The following HDAC9 variants were observed in gnomAD, a reference collection of about 807,000 sequenced individuals.
HDAC9 encodes MEF-2 interacting transcription repressor (MITR) protein.
Under a neutral mutation model 139.4 loss-of-function variants are expected in HDAC9, and 41 were observed. The observed-to-expected ratio is 0.29, with a 90% confidence interval of 0.23 to 0.38. The LOEUF (loss-of-function observed/expected upper bound fraction) is 0.38. Among genes scored for constraint, HDAC9 ranks in the 10% least tolerant of loss-of-function variants. HDAC9 has a pLI of 1.00. For missense variants in HDAC9, 1,147 were observed against 1,297.0 expected, an observed-to-expected ratio of 0.88 and a Z score of 1.78; for synonymous variants, 517 against 476.2, an observed-to-expected ratio of 1.09 and a Z score of -1.12.
chr7:18,846,674 G>T (rs983782383), intron 21 of HDAC9, among the ~76,000 whole-genome samples: 4 of 152,148 alleles, frequency 2.6e-5, no homozygotes, highest in African/African-American at 7.2e-5. Context: ...ATTACTGCAT[G>T]TATTGGACCT....
intron 1 of HDAC9, among the ~76,000 whole-genome samples, chr7:18,096,844 A>G (rs979876880): frequency 6.6e-6 from 1 of 151,874 alleles, no homozygotes; most frequent in Admixed American, 6.6e-5. Flanking sequence ...GAAGTGCCTA[A>G]TAAATGTTCT....
intron 1 of HDAC9, among the ~76,000 whole-genome samples, chr7:18,157,884 C>T (rs1024572983): frequency 6.9e-6 from 1 of 145,428 alleles, no homozygotes; most frequent in East Asian, 2.1e-4. Context: ...TGGTGTTCAA[C>T]GTGTTGGCAC....
intron 2 of HDAC9, among the ~76,000 whole-genome samples, chr7:18,230,974 T>C (rs1437721065): frequency 6.6e-6 from 1 of 152,210 alleles, no homozygotes; most frequent in Non-Finnish European, 1.5e-5. Flanking sequence ...ATCTTTGTCT[T>C]AAGCAAAGCT....
At chr7:18,165,272 A>G (rs1787924808) in intron 2 of HDAC9, among the ~76,000 whole-genome samples, 1 of 152,190 alleles carries the variant, frequency 6.6e-6, no homozygotes, top group Non-Finnish European at 1.5e-5. Flanking sequence ...ATCGTGTGGT[A>G]GCCTGGGGGA....
intron 1 of HDAC9, among the ~76,000 whole-genome samples, chr7:18,437,029 A>T (rs1338857659): frequency 2.0e-5 from 3 of 152,160 alleles, no homozygotes; most frequent in African/African-American, 7.2e-5. Context: ...TTTATATACT[A>T]ATTAAAACTC....
At chr7:18,629,543 G>T in intron 7 of HDAC9, 62 bp downstream of exon 7, 1 of 1,450,126 alleles carries the variant, frequency 6.9e-7, no homozygotes. Flanking sequence ...AAATAGTTTA[G>T]AATAAATATA....
At chr7:18,396,079 A>ATTCCCTTCCCTTCCT (rs1787006609) in intron 1 of HDAC9, among the ~76,000 whole-genome samples, 1 of 46,444 alleles carries the variant, frequency 2.2e-5, no homozygotes, top group Non-Finnish European at 5.5e-5. Context: ...TCAAAGTGTC[A>ATTCCCTTCCCTTCCT]TTCCCTTCCC....
rs1224407305 is a variant in HDAC9, at chr7:18,980,761, T to TCTTCTTCTTC, written c.3170+4809_3170+4818dup. On this transcript the variant is annotated intron_variant, in intron 25 of 25. Transcript: ENST00000686413. The stretch of plus-strand genomic sequence containing the variant: ...CTTCTTCTTCCTTCTTCTTCTTCCT[T>TCTTCTTCTTC]CTTCTTCTTCTTCTTCCTCTTCTTC... Among the ~76,000 whole-genome samples, 517 of 100,184 alleles carry TCTTCTTCTTC rather than the reference T, an allele frequency of 5.2e-3. 5 individuals are homozygous for TCTTCTTCTTC. The highest frequency in any genetic ancestry group is 0.017 in the African/African-American group (327 of 18,740). 65.7% of individuals were successfully genotyped at this position (100,184 alleles called of 152,430 possible).
intron 2 of HDAC9, among the ~76,000 whole-genome samples, chr7:18,502,950 G>T (rs1397737436): frequency 6.6e-6 from 1 of 152,068 alleles, no homozygotes; most frequent in East Asian, 1.9e-4. Flanking sequence ...ATGAAAGGAG[G>T]ATTATCTTAA....
chr7:18,707,344 A>G lies in HDAC9; in HGVS notation c.1732-20236A>G, dbSNP rs367900039. 1.9e-4 allele frequency among the ~76,000 whole-genome samples: 29 copies of G among 152,354 alleles called. No homozygotes were observed. The East Asian group carries it at 2.7e-3, about 14-fold the overall frequency. ...AAGTCTTAGAAGTGATGGAGGATAG[A>G]TTGTCCTAAGCAGAGAAGTCAATGT... On this transcript the variant is annotated intron_variant, in intron 12 of 25. Transcript: ENST00000686413.
At chr7:18,804,899 A>G (rs1308787066) in intron 17 of HDAC9, among the ~76,000 whole-genome samples, 1 of 152,096 alleles carries the variant, frequency 6.6e-6, no homozygotes, top group Admixed American at 6.5e-5. Flanking sequence ...GGCTTAAGTG[A>G]TTCTCCAGCC....
intron 14 of HDAC9, among the ~76,000 whole-genome samples, chr7:18,749,685 T>C (rs1398712572): frequency 6.6e-6 from 1 of 152,212 alleles, no homozygotes. Flanking sequence ...GTGAATACCA[T>C]TTTTATTTGG....
At chr7:18,396,145 T>A (rs924421977) in intron 1 of HDAC9, among the ~76,000 whole-genome samples, 2 of 137,066 alleles carry the variant, frequency 1.5e-5, no homozygotes, top group African/African-American at 5.4e-5. Context: ...TTCCCTTCCT[T>A]CTTTCCTTGT....
intron 1 of HDAC9, among the ~76,000 whole-genome samples, chr7:18,115,162 G>A (rs780931790): frequency 6.6e-6 from 1 of 151,962 alleles, no homozygotes; most frequent in Non-Finnish European, 1.5e-5. Flanking sequence ...GCTTGGTGGC[G>A]GGCGCCTGTA....
intron 22 of HDAC9, among the ~76,000 whole-genome samples, chr7:18,890,647 G>A (rs930844858): frequency 1.3e-5 from 2 of 152,154 alleles, no homozygotes; most frequent in African/African-American, 2.4e-5. Context: ...ATGAAACAGA[G>A]GGAACGTTTC....
Position 18,379,210 on chromosome 7 carries a change from A to G in HDAC9, c.-42+88695A>G, listed in dbSNP as rs141006730. 1.4e-4 allele frequency among the ~76,000 whole-genome samples: 22 copies of G among 152,360 alleles called. No individual in the cohort carries two copies. In the East Asian group the frequency reaches 3.9e-3, roughly 27 times the overall value. On this transcript the variant is annotated intron_variant, in intron 1 of 3. Coordinates refer to the HDAC9 transcript ENST00000413509. ...GAATACAAACTACATTATTTTTAGT[A>G]TGTCATCAGGTTATATTGATTCTTA...
chr7:18,587,530 A>G (rs1036457700), intron 3 of HDAC9, among the ~76,000 whole-genome samples: 3 of 152,210 alleles, frequency 2.0e-5, no homozygotes, highest in African/African-American at 7.2e-5. Flanking sequence ...TATGAGAAAG[A>G]TGCATTACAT....
intron 14 of HDAC9, among the ~76,000 whole-genome samples, chr7:18,753,822 G>A (rs983542880): frequency 2.0e-5 from 3 of 152,022 alleles, no homozygotes; most frequent in Non-Finnish European, 4.4e-5. Context: ...GTTTTCCTAT[G>A]TTTAGATGAG....
intron 2 of HDAC9, among the ~76,000 whole-genome samples, chr7:18,506,496 G>T (rs933903897): frequency 1.1e-4 from 17 of 151,978 alleles, no homozygotes; most frequent in African/African-American, 4.1e-4. Context: ...TTGTAAGAAT[G>T]ATTCTATTAT....
Sources: gnomAD v4.1 joint callset for allele counts (sites outside exome capture counted in the v4.1 genomes callset) on GRCh38, gnomAD v4.1.1 for gene constraint, MANE v1.5 for transcripts, NCBI Gene and HGNC (gene_info 2026-07-23, HGNC 2026-07-21) for gene names.